Variants in ROPN1B observed in about 807,000 individuals in gnomAD.
The protein encoded by ROPN1B is ropporin-1B.
A neutral mutation model predicts 23.7 loss-of-function variants in ROPN1B; 13 were observed. That is an observed-to-expected ratio of 0.55 (90% CI 0.36 to 0.87). The LOEUF is 0.87. Among genes scored for constraint, ROPN1B ranks in the 40% least tolerant of loss-of-function variants. ROPN1B has a pLI of 0.01. For missense variants in ROPN1B, 183 were observed against 249.2 expected (o/e 0.73, Z 1.79); for synonymous variants, 67 against 100.4 (o/e 0.67, Z 1.99).
At chr3:125,977,930 A>C (rs980962968) in intron 5 of ROPN1B, 1 of 152,422 alleles carries the variant, frequency 6.6e-6, no homozygotes, top group Non-Finnish European at 1.5e-5. Context: ...TCTGCCAAAA[A>C]CAAATGGTAT....
At chr3:125,981,530 A>G (rs1156748520) in intron 5 of ROPN1B, among the ~76,000 whole-genome samples, 1 of 152,130 alleles carries the variant, frequency 6.6e-6, no homozygotes, top group Non-Finnish European at 1.5e-5. Flanking sequence ...TTTGCTTGTA[A>G]CATTTATTCA....
intron 2 of ROPN1B, among the ~76,000 whole-genome samples, 186 bp from the exon 3 acceptor site, chr3:125,971,857 T>TACA (rs1938217326): frequency 6.6e-6 from 1 of 152,230 alleles, no homozygotes; most frequent in South Asian, 2.1e-4. Flanking sequence ...TATAACTATT[T>TACA]ACAACAAAAA....
chr3:125,970,639 ACT>A (rs1399886661), intron 1 of ROPN1B, among the ~76,000 whole-genome samples: 4 of 152,174 alleles, frequency 2.6e-5, no homozygotes, highest in African/African-American at 9.7e-5. Context: ...ATCAATAAAT[ACT>A]AAAAAAATTT....
chr3:125,983,136 A>G (rs940974460), intron 6 of ROPN1B, 118 bp from the exon 7 acceptor site: 11 of 767,496 alleles, frequency 1.4e-5, no homozygotes, highest in Non-Finnish European at 2.2e-5. Flanking sequence ...CAGAAAAACA[A>G]AGTTAAGAGA....
chr3:125,982,680 A>G (rs1226595729), intron 6 of ROPN1B, among the ~76,000 whole-genome samples: 1 of 152,196 alleles, frequency 6.6e-6, no homozygotes, highest in Non-Finnish European at 1.5e-5. Context: ...GGCACCTGAG[A>G]ACATGTTAGA....
At chr3:125,979,046 C>T (rs2107606166) in intron 5 of ROPN1B, among the ~76,000 whole-genome samples, 1 of 152,282 alleles carries the variant, frequency 6.6e-6, no homozygotes, top group Non-Finnish European at 1.5e-5. Flanking sequence ...GATTCATCTA[C>T]CTCTGACATC....
chr3:125,976,539 T>A (rs1052179701), intron 4 of ROPN1B, among the ~76,000 whole-genome samples: 2 of 152,148 alleles, frequency 1.3e-5, no homozygotes, highest in Admixed American at 1.3e-4. Context: ...TGGGAAAGCA[T>A]GAGGGATGCA....
At position 125,975,707 on chromosome 3, in the gene ROPN1B, A is replaced by G. The variant is rs199976483; in HGVS notation, c.234+27A>G. The G allele has an allele frequency of 4.0e-5, 64 of 1,582,596 alleles. No individual in the cohort carries two copies. In the Middle Eastern group the frequency reaches 2.5e-3, roughly 63 times the overall value. On this transcript the variant is annotated intron_variant, in intron 4 of 6. Transcript: ENST00000514116. ...TAAGGGCCCTGCTGCAGCATTGAGG[A>G]GAATGTAGGGACAGTGTTGAGGCTG...
Position 125,972,111 on chromosome 3 carries a change from G to A in ROPN1B, c.57G>A (p.Lys19=). Residue 19 remains lysine, a synonymous_variant, in exon 3 of 7, where the codon AAG becomes AAA. Coordinates refer to ENST00000514116, the MANE Select transcript of ROPN1B (RefSeq NM_001308313.2). ...CIPPELPKML[K]EFAKAAIRAQ... ...CGCCGGAGCTGCCGAAAATGCTGAA[G>A]GAGTTTGCCAAAGCCGCCATTCGGG... 2 of 1,614,210 alleles carry A rather than the reference G, an allele frequency of 1.2e-6. No individual in the cohort carries two copies. Among genetic ancestry groups the A allele is most frequent in the Non-Finnish European group, 1.7e-6 (2 of 1,180,028 alleles).
Position 125,979,133 on chromosome 3 carries a change from A to G in ROPN1B, c.396+1968A>G, listed in dbSNP as rs1442357059. 7.2e-5 allele frequency among the ~76,000 whole-genome samples: 11 copies of G among 152,128 alleles called. No individual in the cohort carries two copies. In the East Asian group the frequency reaches 1.9e-3, roughly 27 times the overall value. The stretch of plus-strand genomic sequence containing the variant: ...CCTCTGAATAACAGTGAGCTCCTCC[A>G]ATTCTAAGAGGCCTTGACATATCTG... On this transcript the variant is annotated intron_variant, in intron 5 of 6. Coordinates refer to ENST00000514116, the MANE Select transcript of ROPN1B (RefSeq NM_001308313.2).
chr3:125,971,276 G>T (rs1394370449), intron 2 of ROPN1B, 114 bp downstream of exon 2: 6 of 152,114 alleles, frequency 3.9e-5, no homozygotes, highest in African/African-American at 1.4e-4. Flanking sequence ...AATGTGAAAG[G>T]CTTGTACTGA....
Position 125,974,639 on chromosome 3 carries a change from T to C in ROPN1B, c.117-924T>C, listed in dbSNP as rs539540585. On this transcript the variant is annotated intron_variant, in intron 3 of 6. Coordinates refer to ENST00000514116, the MANE Select transcript of ROPN1B (RefSeq NM_001308313.2). ...CCCACATGTCAGCGGCTCATGTCCATTCCCTGCTGCAGGCAGCCTCTTTTC... is the reference window on the plus strand; with the variant it reads ...CCCACATGTCAGCGGCTCATGTCCACTCCCTGCTGCAGGCAGCCTCTTTTC... Among the ~76,000 whole-genome samples the C allele has an allele frequency of 3.3e-5, 5 of 152,298 alleles. No homozygotes were observed. In the East Asian group the frequency reaches 5.8e-4, roughly 18 times the overall value.
chr3:125,973,287 C>T (rs532394231), intron 3 of ROPN1B: 10 of 342,490 alleles, frequency 2.9e-5, no homozygotes, highest in African/African-American at 4.3e-5. Flanking sequence ...AGGGGCCTTT[C>T]GGAGTCTCTG....
intron 1 of ROPN1B, among the ~76,000 whole-genome samples, chr3:125,970,604 C>T (rs1938163705): frequency 6.6e-6 from 1 of 151,882 alleles, no homozygotes; most frequent in Admixed American, 6.6e-5. Flanking sequence ...TTTCTTCCCC[C>T]CTCTCCGAGA....
intron 5 of ROPN1B, among the ~76,000 whole-genome samples, chr3:125,980,682 C>G (rs1427880534): frequency 1.3e-5 from 2 of 152,142 alleles, no homozygotes; most frequent in Non-Finnish European, 2.9e-5. Flanking sequence ...AACAATTCAG[C>G]CCATACCACC....
In ROPN1B at chr3:125,975,599, G is replaced by A. The variant is rs747089234; in HGVS notation, c.153G>A (p.Pro51=). The A allele has an allele frequency of 7.6e-5, 122 of 1,613,960 alleles. No individual in the cohort carries two copies. The highest frequency in any genetic ancestry group is 2.9e-4 in the East Asian group (13 of 44,894). The change falls in exon 4 of 7, where the codon CCG becomes CCA. Residue 51 remains proline, a synonymous_variant. Coordinates refer to ENST00000514116, the MANE Select transcript of ROPN1B (RefSeq NM_001308313.2). The stretch of plus-strand genomic sequence containing the variant: ...CCCTGTCCCGTGGAGAGACGCCTCC[G>A]GTGAGAGAGCGGTCTGAGCGAGTCG... The part of the protein sequence containing the change: ...FEALSRGETP[P]VRERSERVAL...
At position 125,982,280 on chromosome 3, in the gene ROPN1B, A is replaced by G; in HGVS notation, c.407A>G (p.Lys136Arg). 2 of 1,606,504 alleles carry G rather than the reference A, an allele frequency of 1.2e-6. No individual in the cohort carries two copies. The highest frequency in any genetic ancestry group is 8.5e-7 in the Non-Finnish European group (1 of 1,177,488). The change falls in exon 6 of 7, where the codon AAA becomes AGA. Residue 136 changes from lysine to arginine, a missense_variant. Physicochemically the swap from Lys to Arg is conservative, Grantham distance 26. This residue lies in a region of ROPN1B where 80 missense variants were observed against 98.0 expected (regional missense o/e 0.82). Transcript: ENST00000514116. The stretch of plus-strand genomic sequence containing the variant: ...ATGTAACTTTTATAGACTATTACCA[A>G]AACTCTCAAGATAGTGTGTGAGGTC... ...ACSALGVTIT[K>R]TLKIVCEVLS...
chr3:125,970,191 C>CA (rs1249463715), intron 1 of ROPN1B: 2 of 151,538 alleles, frequency 1.3e-5, no homozygotes. Flanking sequence ...ATGGAACTGA[C>CA]AGGGTAATCA....
At chr3:125,979,871 C>T (rs1027138886) in intron 5 of ROPN1B, among the ~76,000 whole-genome samples, 1 of 152,178 alleles carries the variant, frequency 6.6e-6, no homozygotes, top group Non-Finnish European at 1.5e-5. Context: ...CTCTCTGCGT[C>T]GAATACACAT....
Sources: allele counts gnomAD v4.1 joint callset (sites outside exome capture counted in the v4.1 genomes callset), GRCh38; gene constraint gnomAD v4.1.1; regional missense constraint gnomAD v4.1.1; transcripts MANE v1.5; gene names NCBI Gene and HGNC (gene_info 2026-07-23, HGNC 2026-07-21).